The following ZFHX3 variants were observed in gnomAD, a reference collection of about 807,000 sequenced individuals.
The protein encoded by ZFHX3 is zinc finger homeobox 3.
A neutral mutation model predicts 279.1 loss-of-function variants in ZFHX3; 42 were observed. That is an observed-to-expected ratio of 0.15 (90% confidence interval 0.12 to 0.19). ZFHX3 has a LOEUF of 0.19. Ranked by LOEUF, ZFHX3 falls within the 10% of genes least tolerant of loss-of-function variation. The pLI is 1.00. For missense variants in ZFHX3, 4,981 were observed against 4,754.0 expected (o/e 1.05, Z -1.40); for synonymous variants, 2,293 against 1,957.8 (o/e 1.17, Z -4.52).
intron 2 of ZFHX3, among the ~76,000 whole-genome samples, chr16:73,464,957 C>T (rs142181759): frequency 2.0e-5 from 3 of 152,074 alleles, no homozygotes; most frequent in Admixed American, 1.3e-4. Flanking sequence ...CCCACCAAGG[C>T]TGGGCGGGAG....
chr16:72,887,531 T>C (rs1597347614), intron 4 of ZFHX3, among the ~76,000 whole-genome samples: 1 of 149,680 alleles, frequency 6.7e-6, no homozygotes, highest in South Asian at 2.1e-4. Context: ...AGCTGGGGAG[T>C]GGGAGGGAGT....
At position 73,778,236 on chromosome 16, in the gene ZFHX3, TAAAAAA is replaced by T. The variant is rs10654824; in HGVS notation, c.-1607-98002_-1607-97997del. On this transcript the variant is annotated intron_variant, in intron 1 of 17. Coordinates refer to the ZFHX3 transcript ENST00000641206. ...ACTACCTTTACTGTTGAAGGAGTGT[TAAAAAA>T]AAAAAAAAAAAAAAAAAAAAGCATT... is the stretch of plus-strand genomic sequence containing the variant. Among the ~76,000 whole-genome samples, 53 of 58,704 alleles carry T rather than the reference TAAAAAA, an allele frequency of 9.0e-4. 1 individual carries two copies. Among genetic ancestry groups the T allele is most frequent in the African/African-American group, 3.6e-3 (45 of 12,672 alleles). The allele number at this position is 58,704 out of a possible 152,430, so 38.5% of individuals were successfully genotyped here.
intron 2 of ZFHX3, among the ~76,000 whole-genome samples, chr16:73,492,414 CT>C (rs1453211957): frequency 2.0e-5 from 3 of 152,198 alleles, no homozygotes; most frequent in Non-Finnish European, 4.4e-5. Context: ...TAATGGTTTA[CT>C]GCTATTCTCC....
intron 4 of ZFHX3, among the ~76,000 whole-genome samples, chr16:73,316,397 C>T (rs2015448995): frequency 6.6e-6 from 1 of 152,150 alleles, no homozygotes. Context: ...CCACCCTCAC[C>T]CCCAACACTC....
chr16:73,116,479 G>C (rs1344148396), intron 7 of ZFHX3, among the ~76,000 whole-genome samples: 1 of 152,160 alleles, frequency 6.6e-6, no homozygotes, highest in Non-Finnish European at 1.5e-5. Context: ...GAAGTGGCTG[G>C]GGAGGGTGCC....
intron 5 of ZFHX3, among the ~76,000 whole-genome samples, chr16:73,248,670 T>C (rs998059098): frequency 2.6e-5 from 4 of 151,434 alleles, no homozygotes; most frequent in African/African-American, 9.7e-5. Context: ...TGTGTGCACG[T>C]GCACGTGTGT....
chr16:73,681,706 C>T (rs1190734232), intron 1 of ZFHX3, among the ~76,000 whole-genome samples: 2 of 152,162 alleles, frequency 1.3e-5, no homozygotes, highest in African/African-American at 4.8e-5. Context: ...GACTTAATAT[C>T]CTGTGCTTCC....
intron 1 of ZFHX3, among the ~76,000 whole-genome samples, chr16:72,963,256 C>G (rs552163623): frequency 1.1e-3 from 160 of 152,272 alleles, no homozygotes; most frequent in Non-Finnish European, 5.1e-4. Flanking sequence ...CTAGCTGGTA[C>G]AGGTTCACAC....
intron 3 of ZFHX3, among the ~76,000 whole-genome samples, chr16:73,415,131 TA>T (rs770310256): frequency 6.6e-6 from 1 of 152,310 alleles, no homozygotes; most frequent in African/African-American, 2.4e-5. Flanking sequence ...TTTTTTATTT[TA>T]TTTTTTTAAA....
At chr16:73,275,987 G>C (rs906433324) in intron 4 of ZFHX3, among the ~76,000 whole-genome samples, 24 of 151,350 alleles carry the variant, frequency 1.6e-4, no homozygotes, top group East Asian at 7.7e-4. Context: ...AGAGTGATGG[G>C]GGGGGACAGG....
intron 7 of ZFHX3, among the ~76,000 whole-genome samples, chr16:72,800,614 A>G (rs2036068120): frequency 6.6e-6 from 1 of 152,224 alleles, no homozygotes; most frequent in South Asian, 2.1e-4. Context: ...GTAAGAGTGA[A>G]GGAAAGGGTA....
At chr16:73,116,854 G>A (rs1238538097) in intron 7 of ZFHX3, among the ~76,000 whole-genome samples, 1 of 152,208 alleles carries the variant, frequency 6.6e-6, no homozygotes, top group Non-Finnish European at 1.5e-5. Context: ...GTTCTCAGAA[G>A]ATGAGATGAG....
chr16:73,835,532 G>A (rs1026543280), intron 1 of ZFHX3, among the ~76,000 whole-genome samples: 2 of 116,220 alleles, frequency 1.7e-5, no homozygotes, highest in African/African-American at 6.6e-5. Flanking sequence ...GTGCAATGTT[G>A]CAATCTCGAC....
intron 1 of ZFHX3, among the ~76,000 whole-genome samples, chr16:73,757,056 G>A (rs561025961): frequency 6.6e-6 from 1 of 152,240 alleles, no homozygotes; most frequent in African/African-American, 2.4e-5. Flanking sequence ...AGGAACAAAC[G>A]TGGGCTTACA....
intron 4 of ZFHX3, among the ~76,000 whole-genome samples, chr16:72,861,171 C>T (rs1455792773): frequency 2.0e-5 from 3 of 152,218 alleles, no homozygotes; most frequent in African/African-American, 7.2e-5. Context: ...ACCAACTGTC[C>T]CCTACAGCCA....
At chr16:73,003,512 A>ACCCCCCCCCCCCC (rs142323888) in intron 1 of ZFHX3, among the ~76,000 whole-genome samples, 11 of 120,676 alleles carry the variant, frequency 9.1e-5, no homozygotes, top group African/African-American at 2.2e-4. Flanking sequence ...ACATGGTGAG[A>ACCCCCCCCCCCCC]CCCCCCCCTC....
intron 4 of ZFHX3, among the ~76,000 whole-genome samples, chr16:73,304,657 C>T (rs1468628030): frequency 6.6e-6 from 1 of 152,202 alleles, no homozygotes; most frequent in East Asian, 1.9e-4. Context: ...AGCAGCATGT[C>T]ACTGCAATTT....
At chr16:73,014,504 G>A (rs1395348815) in intron 1 of ZFHX3, 2 of 142,802 alleles carry the variant, frequency 1.4e-5, no homozygotes, top group East Asian at 4.1e-4. Context: ...ACAAGTTTGT[G>A]GTAATTTCTT....
Position 73,127,440 on chromosome 16 carries a change from G to A in ZFHX3, c.-897+3528C>T, listed in dbSNP as rs181297005. ...GTAGTAGCTGGAGCATCTCTGTTCC[G>A]GAACTGAGACATCAAGCGAGAGCCG... On this transcript the variant is annotated intron_variant, in intron 7 of 17. Coordinates refer to the ZFHX3 transcript ENST00000641206. 1,025 of 1,305,402 alleles carry A rather than the reference G, an allele frequency of 7.9e-4. 1 individual carries two copies. The highest frequency in any genetic ancestry group is 9.1e-4 in the African/African-American group (60 of 65,974). 80.9% of individuals were successfully genotyped at this position (1,305,402 alleles called of 1,614,324 possible). A position where few individuals can be genotyped will look rare whatever the true frequency, so the allele number is the denominator to read the frequency against.
Sources: allele counts gnomAD v4.1 joint callset (sites outside exome capture counted in the v4.1 genomes callset), GRCh38; gene constraint gnomAD v4.1.1; transcripts MANE v1.5; gene names NCBI Gene and HGNC (gene_info 2026-07-23, HGNC 2026-07-21).